Variants in WDFY3 observed in about 807,000 individuals in gnomAD.
The protein encoded by WDFY3 is WD repeat and FYVE domain-containing protein 3.
In WDFY3, 66 loss-of-function variants were observed where a neutral mutation model predicts 409.6. The observed-to-expected ratio is 0.16, with a 90% CI of 0.13 to 0.20. WDFY3 has a LOEUF of 0.20. WDFY3 is among the 10% of genes least tolerant of loss of function. The pLI is 1.00. For missense variants in WDFY3, 3,031 were observed against 4,298.1 expected (o/e 0.71, Z 8.24); for synonymous variants, 1,521 against 1,537.1 (o/e 0.99, Z 0.25).
At chr4:84,875,438 GC>G (rs1169135650) in intron 3 of WDFY3, among the ~76,000 whole-genome samples, 12 of 152,128 alleles carry the variant, frequency 7.9e-5, no homozygotes, top group African/African-American at 2.9e-4. Flanking sequence ...GAACGTGAAG[GC>G]CTAGGACATC....
Position 84,687,480 on chromosome 4 carries a change from G to GT in WDFY3, c.9543+605dup, listed in dbSNP as rs530821532. Among the ~76,000 whole-genome samples the GT allele has an allele frequency of 3.9e-5, 6 of 151,958 alleles. No homozygotes were observed. The South Asian group carries it at 1.2e-3, about 32-fold the overall frequency. ...TCTTAACAAATCCTACAAATTTCCT[G>GT]TTTTTTAAAAAAACATATTCTAGAA... On this transcript the variant is annotated intron_variant, in intron 62 of 67. Coordinates refer to ENST00000295888, the MANE Select transcript of WDFY3 (RefSeq NM_014991.6).
chr4:84,721,474 A>C lies in WDFY3; in HGVS notation c.7540T>G (p.Ser2514Ala). The C allele has an allele frequency of 6.2e-7, 1 of 1,613,358 alleles. No homozygotes were observed. The highest frequency in any genetic ancestry group is 8.5e-7 in the Non-Finnish European group (1 of 1,180,030). ...TCTGTTTTCTCCTCCTCTTCTATGGAGCTGCCCTCAGCAATCTGGTCTTGT... is the reference window on the plus strand; with the variant it reads ...TCTGTTTTCTCCTCCTCTTCTATGGCGCTGCCCTCAGCAATCTGGTCTTGT... ...QLQDQIAEGS[S>A]IEEEEKTDNA... The change falls in exon 47 of 68, where the codon TCC becomes GCC. Residue 2514 changes from serine to alanine, a missense_variant. By Grantham distance (99) the Ser-to-Ala change is moderately conservative. Transcript: ENST00000295888.
intron 34 of WDFY3, among the ~76,000 whole-genome samples, chr4:84,754,433 A>C (rs1309779844): frequency 6.6e-6 from 1 of 152,234 alleles, no homozygotes; most frequent in Non-Finnish European, 1.5e-5. Flanking sequence ...ATAGGCACCA[A>C]AACGAGACTC....
chr4:84,877,509 G>A (rs1762946003), intron 3 of WDFY3, among the ~76,000 whole-genome samples: 1 of 152,118 alleles, frequency 6.6e-6, no homozygotes, highest in African/African-American at 2.4e-5. Context: ...ATGTTGCCCA[G>A]GCTGGTCTCA....
chr4:84,736,383 T>G, intron 41 of WDFY3, 56 bp from the exon 42 acceptor site: 1 of 1,483,234 alleles, frequency 6.7e-7, no homozygotes, highest in East Asian at 2.4e-5. Context: ...TTATGAGTCT[T>G]ACTTTAAAAA....
At chr4:84,787,351 T>A (rs756361828) in intron 23 of WDFY3, 131 bp downstream of exon 23, 3 of 809,166 alleles carry the variant, frequency 3.7e-6, no homozygotes, top group Non-Finnish European at 5.8e-6. Context: ...GTGAGTATCC[T>A]GCTGAAGAAG....
At chr4:84,849,735 T>C (rs2150105778) in intron 5 of WDFY3, 167 bp downstream of exon 5, 3 of 905,832 alleles carry the variant, frequency 3.3e-6, no homozygotes, top group Non-Finnish European at 4.8e-6. Flanking sequence ...GAGTTGAAGA[T>C]GCTGAAACCA....
intron 3 of WDFY3, among the ~76,000 whole-genome samples, chr4:84,885,176 T>TG: frequency 6.6e-6 from 1 of 152,116 alleles, no homozygotes; most frequent in Admixed American, 6.5e-5. Context: ...AATTTTTTTT[T>TG]GTATTTTTGT....
chr4:84,847,965 T>A (rs140596644), intron 5 of WDFY3, among the ~76,000 whole-genome samples: 1 of 149,438 alleles, frequency 6.7e-6, no homozygotes, highest in East Asian at 2.0e-4. Flanking sequence ...AGATAGATGA[T>A]AAAATTGAGG....
At chr4:84,742,771 T>C (rs958867061) in intron 37 of WDFY3, among the ~76,000 whole-genome samples, 1 of 152,084 alleles carries the variant, frequency 6.6e-6, no homozygotes, top group Non-Finnish European at 1.5e-5. Context: ...AAAACCGTAA[T>C]CCCCCCTTAG....
rs77589812 is a variant in WDFY3, at chr4:84,753,687, C to T, written c.5739+10G>A. ...ATTCCAGTTCTGACATTTTCCTCCCCCTTTCCTACCATCTCTGAGTAAGGG... is the reference window on the plus strand; with the variant it reads ...ATTCCAGTTCTGACATTTTCCTCCCTCTTTCCTACCATCTCTGAGTAAGGG... On this transcript the variant is annotated intron_variant, in intron 35 of 67. Coordinates refer to ENST00000295888, the MANE Select transcript of WDFY3 (RefSeq NM_014991.6). 10 of 1,550,650 alleles carry T rather than the reference C, an allele frequency of 6.4e-6. No homozygotes were observed. The Admixed American group carries it at 1.0e-4, about 16-fold the overall frequency.
chr4:84,804,508 C>T (rs1320491402), intron 15 of WDFY3, among the ~76,000 whole-genome samples: 2 of 152,220 alleles, frequency 1.3e-5, no homozygotes, highest in Non-Finnish European at 2.9e-5. Flanking sequence ...AAAAGGCACA[C>T]AGGCTCTCCT....
At position 84,789,790 on chromosome 4, in the gene WDFY3, T is replaced by C. The variant is rs1748188706; in HGVS notation, c.3605A>G (p.Lys1202Arg). 6.2e-7 allele frequency: 1 copy of C among 1,614,018 alleles called. No homozygotes were observed. The highest frequency in any genetic ancestry group is 8.5e-7 in the Non-Finnish European group (1 of 1,179,984). The change falls in exon 22 of 68, where the codon AAA becomes AGA. Residue 1202 changes from lysine to arginine, a missense_variant. Around this residue, in one of 16 missense-constraint regions of WDFY3, gnomAD observed 1,322 missense variants for 1,697.9 expected, o/e 0.78. Transcript: ENST00000295888. ...QWHHLVLVMS[K>R]GMLKNSTAAL... Reference sequence around the variant, plus strand: ...TGCAGTACTGTTTTTCAACATGCCTTTGCTCATTACCAGGACCAAATGATG... The same window carrying C: ...TGCAGTACTGTTTTTCAACATGCCTCTGCTCATTACCAGGACCAAATGATG...
rs1356949936 is a variant in WDFY3, at chr4:84,715,190, G to A, written c.7961+108C>T. On this transcript the variant is annotated intron_variant, in intron 50 of 67. Transcript: ENST00000295888. ...AATAATATAAATTATTTTCTTCAAA[G>A]ATGTTGGCTCATTGATCTAGATTTT... The A allele has an allele frequency of 4.9e-6, 3 of 609,384 alleles. No individual in the cohort carries two copies. In the African/African-American group the frequency reaches 5.6e-5, roughly 11 times the overall value. 37.7% of individuals were successfully genotyped at this position (609,384 alleles called of 1,614,324 possible).
chr4:84,828,898 G>A, intron 9 of WDFY3, 106 bp downstream of exon 9: 2 of 1,148,746 alleles, frequency 1.7e-6, no homozygotes, highest in Middle Eastern at 4.2e-4. Flanking sequence ...CATTAAATAA[G>A]TGTTTCCTTA....
chr4:84,930,342 G>A (rs1271292722), intron 2 of WDFY3, among the ~76,000 whole-genome samples: 1 of 152,130 alleles, frequency 6.6e-6, no homozygotes, highest in African/African-American at 2.4e-5. Flanking sequence ...GACCTCTGCA[G>A]TCATATAATC....
At chr4:84,795,036 T>TGTGGTAA in intron 19 of WDFY3, 57 bp from the exon 20 acceptor site, 1 of 1,257,226 alleles carries the variant, frequency 8.0e-7, no homozygotes, top group Non-Finnish European at 1.1e-6. Flanking sequence ...CTCTTAACAC[T>TGTGGTAA]GTGCACTTAC....
At position 84,708,917 on chromosome 4, in the gene WDFY3, C is replaced by T. The variant is rs758580502; in HGVS notation, c.8209G>A (p.Asp2737Asn). Residue 2737 changes from aspartate (D) to asparagine (N), a missense_variant, in exon 53 of 68, where the codon GAC becomes AAC. Around this residue, in one of 16 missense-constraint regions of WDFY3, gnomAD observed 129 missense variants for 305.3 expected, o/e 0.42. Coordinates refer to ENST00000295888, the MANE Select transcript of WDFY3 (RefSeq NM_014991.6). ...AATGACTTAAGATTTACCTCTGAGT[C>T]ATAATCTGCAAGGATCCAGGGGAAG... ...PVFPWILADY[D>N]SEEVDLTNPK... 11 of 1,612,720 alleles carry T rather than the reference C, an allele frequency of 6.8e-6. No individual in the cohort carries two copies. The highest frequency in any genetic ancestry group is 1.7e-5 in the Admixed American group (1 of 59,558).
chr4:84,683,728 T>C (rs1292016879), intron 63 of WDFY3, among the ~76,000 whole-genome samples: 2 of 152,178 alleles, frequency 1.3e-5, no homozygotes, highest in Non-Finnish European at 2.9e-5. Flanking sequence ...AAATGGCCAG[T>C]AGCACTACCA....
Sources: gnomAD v4.1 joint callset for allele counts (sites outside exome capture counted in the v4.1 genomes callset) on GRCh38, gnomAD v4.1.1 for gene constraint, gnomAD v4.1.1 regional missense constraint, MANE v1.5 for transcripts, NCBI Gene and HGNC (gene_info 2026-07-23, HGNC 2026-07-21) for gene names.